Variants in UBE2K observed in about 807,000 individuals in gnomAD.
UBE2K encodes ubiquitin conjugating enzyme E2 K, also known as ubiquitin-conjugating enzyme E2 K.
Under a neutral mutation model 30.0 loss-of-function variants are expected in UBE2K, and 6 were observed. The ratio of observed to expected loss-of-function variants is 0.20; its 90% CI spans 0.11 to 0.39. The LOEUF is 0.39. Among genes scored for constraint, UBE2K ranks in the 10% least tolerant of loss-of-function variants. UBE2K has a pLI of 1.00. For synonymous variants in UBE2K, 86 were observed against 83.7 expected, an observed-to-expected ratio of 1.03 and a Z score of -0.15; for missense variants, 61 against 241.6, an observed-to-expected ratio of 0.25 and a Z score of 4.96.
At chr4:39,777,494 G>T (rs1713344237) in intron 5 of UBE2K, among the ~76,000 whole-genome samples, 188 bp from the exon 6 acceptor site, 1 of 152,220 alleles carries the variant, frequency 6.6e-6, no homozygotes, top group East Asian at 1.9e-4. Flanking sequence ...AACACAAATT[G>T]TGAGTCGAAG....
At chr4:39,698,702 G>A (rs534403094) in intron 1 of UBE2K, among the ~76,000 whole-genome samples, 10 of 152,128 alleles carry the variant, frequency 6.6e-5, no homozygotes, top group Non-Finnish European at 1.3e-4. Context: ...AGCTGGAAAT[G>A]TGGCTGTGGG....
intron 1 of UBE2K, among the ~76,000 whole-genome samples, chr4:39,735,508 G>T (rs1720329530): frequency 6.6e-6 from 1 of 152,192 alleles, no homozygotes; most frequent in Non-Finnish European, 1.5e-5. Context: ...AGCCTCCCGA[G>T]TAGCTGGGAC....
At chr4:39,758,588 G>A (rs1266041665) in intron 4 of UBE2K, among the ~76,000 whole-genome samples, 1 of 152,076 alleles carries the variant, frequency 6.6e-6, no homozygotes, top group Non-Finnish European at 1.5e-5. Context: ...TGAGGCAGGA[G>A]AATCGCTTGA....
intron 1 of UBE2K, among the ~76,000 whole-genome samples, chr4:39,734,311 C>G (rs142459084): frequency 1.4e-4 from 22 of 152,090 alleles, no homozygotes; most frequent in Non-Finnish European, 2.9e-4. Context: ...AAACTCTTGA[C>G]TCAGTGATCT....
In UBE2K at chr4:39,779,890, T is replaced by C. The variant is rs1046171099; in HGVS notation, c.*1456T>C. On this transcript the variant is annotated 3_prime_UTR_variant, in exon 7 of 7. Coordinates refer to ENST00000261427, the MANE Select transcript of UBE2K (RefSeq NM_005339.5). ...AAGTGTTATTTATCTTAAATTATAA[T>C]CGTTAAATGTTTGGAAGATAATTTT... The C allele has an allele frequency of 2.6e-5, 4 of 152,290 alleles. No homozygotes were observed. The highest frequency in any genetic ancestry group is 9.6e-5 in the African/African-American group (4 of 41,564). 9.4% of individuals were successfully genotyped at this position (152,290 alleles called of 1,614,324 possible).
At chr4:39,717,172 G>C (rs1434258341) in intron 1 of UBE2K, among the ~76,000 whole-genome samples, 1 of 151,798 alleles carries the variant, frequency 6.6e-6, no homozygotes, top group Non-Finnish European at 1.5e-5. Context: ...GAATAAAATA[G>C]AATAAAAGTT....
At chr4:39,731,140 G>A (rs1720051374) in intron 1 of UBE2K, among the ~76,000 whole-genome samples, 1 of 152,038 alleles carries the variant, frequency 6.6e-6, no homozygotes, top group Non-Finnish European at 1.5e-5. Flanking sequence ...TGATCCGCCT[G>A]CCTCAGCCTC....
chr4:39,714,343 C>T, intron 1 of UBE2K: 1 of 187,972 alleles, frequency 5.3e-6, no homozygotes, highest in East Asian at 1.3e-4. Flanking sequence ...GAAGACCAAG[C>T]CCTCAAGGAT....
At chr4:39,760,195 G>GAAAAAAAAAAAAAAAAAAAAAAAAACA (rs71194914) in intron 4 of UBE2K, among the ~76,000 whole-genome samples, 1 of 102,584 alleles carries the variant, frequency 9.7e-6, no homozygotes, top group African/African-American at 3.9e-5. Flanking sequence ...AAAAAAAACA[G>GAAAAAAAAAAAAAAAAAAAAAAAAACA]AAAAAAAAAA....
chr4:39,736,184 C>T (rs920763062), intron 1 of UBE2K, among the ~76,000 whole-genome samples: 2 of 152,018 alleles, frequency 1.3e-5, no homozygotes, highest in African/African-American at 2.4e-5. Flanking sequence ...AGATATAGGC[C>T]GGGCACGGTG....
chr4:39,775,618 G>A (rs1713237629), intron 5 of UBE2K, among the ~76,000 whole-genome samples: 1 of 152,090 alleles, frequency 6.6e-6, no homozygotes, highest in Non-Finnish European at 1.5e-5. Context: ...CTGGCGTGGT[G>A]GCACACACCT....
intron 1 of UBE2K, among the ~76,000 whole-genome samples, chr4:39,702,895 G>T (rs192141522): frequency 2.2e-4 from 33 of 152,156 alleles, no homozygotes; most frequent in Admixed American, 3.9e-4. Flanking sequence ...GTATATGCAG[G>T]TAGCACTGCA....
intron 4 of UBE2K, among the ~76,000 whole-genome samples, chr4:39,766,155 T>G (rs759830087): frequency 1.1e-4 from 16 of 152,074 alleles, no homozygotes; most frequent in Admixed American, 2.6e-4. Context: ...TCTGTGTTTT[T>G]TGTGTGTGTT....
intron 1 of UBE2K, among the ~76,000 whole-genome samples, chr4:39,721,768 A>G (rs75445658): frequency 0.053 from 8,093 of 152,250 alleles, 299 homozygotes; most frequent in Middle Eastern, 0.099. Context: ...TTCACTACCA[A>G]AAACTTGAGC....
intron 1 of UBE2K, among the ~76,000 whole-genome samples, chr4:39,716,979 C>G (rs1424641763): frequency 1.8e-5 from 2 of 112,042 alleles, no homozygotes; most frequent in African/African-American, 7.8e-5. Context: ...GCCTGGGTGG[C>G]AGGGTGAGAC....
intron 4 of UBE2K, 79 bp downstream of exon 4, chr4:39,755,818 C>T (rs1404682918): frequency 8.6e-6 from 9 of 1,045,102 alleles, no homozygotes; most frequent in Non-Finnish European, 1.3e-5. Flanking sequence ...GTAATTGCCT[C>T]AAAACATATA....
At chr4:39,757,192 AT>A (rs1203635134) in intron 4 of UBE2K, among the ~76,000 whole-genome samples, 2 of 151,672 alleles carry the variant, frequency 1.3e-5, no homozygotes, top group African/African-American at 4.8e-5. Context: ...TGCCCAGCTA[AT>A]TTTTGTATTT....
At position 39,718,963 on chromosome 4, in the gene UBE2K, G is replaced by A. The variant is rs150082359; in HGVS notation, c.64-18457G>A. Among the ~76,000 whole-genome samples the A allele has an allele frequency of 1.2e-3, 184 of 152,380 alleles. 2 individuals carry two copies. In the East Asian group the frequency reaches 0.031, roughly 25 times the overall value. On this transcript the variant is annotated intron_variant, in intron 1 of 6. Transcript: ENST00000261427. ...GAAGGGGCTCCCACAGTGCAGCGGT[G>A]GGCTGAAGGGCTCCTCAAGTGTGGC...
intron 4 of UBE2K, among the ~76,000 whole-genome samples, chr4:39,773,845 C>T (rs1335768139): frequency 2.0e-5 from 3 of 150,364 alleles, no homozygotes; most frequent in Non-Finnish European, 4.4e-5. Flanking sequence ...AGCGTGAACC[C>T]GGGAGGCGGA....
Sources: allele counts gnomAD v4.1 joint callset (sites outside exome capture counted in the v4.1 genomes callset), GRCh38; gene constraint gnomAD v4.1.1; transcripts MANE v1.5; gene names NCBI Gene and HGNC (gene_info 2026-07-23, HGNC 2026-07-21).